MPDZ: variants seen among roughly 807,000 people sequenced by gnomAD.
MPDZ encodes multiple PDZ domain protein.
MPDZ carries 234 observed loss-of-function variants against 239.1 expected under a neutral mutation model. That is an observed-to-expected ratio of 0.98 (90% confidence interval 0.88 to 1.09). The LOEUF (loss-of-function observed/expected upper bound fraction) is 1.09. Among genes scored for constraint, MPDZ ranks in the 50% least tolerant of loss-of-function variants. The probability of loss-of-function intolerance (pLI) is 0.00; values close to 1 mark genes in which losing one functional copy is unlikely to be tolerated. For synonymous variants in MPDZ, 1,048 were observed against 881.3 expected (o/e 1.19, Z -3.35); for missense variants, 3,175 against 2,510.0 (o/e 1.26, Z -5.66).
chr9:13,140,382 T>TTATATATATA (rs1256354544), intron 27 of MPDZ, among the ~76,000 whole-genome samples: 1 of 144,104 alleles, frequency 6.9e-6, no homozygotes, highest in African/African-American at 2.6e-5. Flanking sequence ...GTTAAATATT[T>TTATATATATA]TATATATATA....
intron 3 of MPDZ, 61 bp downstream of exon 3, chr9:13,247,574 C>T (rs550495426): frequency 2.0e-6 from 3 of 1,535,216 alleles, no homozygotes; most frequent in South Asian, 1.2e-5. Context: ...CAGAAAAACA[C>T]AAGCCTTTCA....
At position 13,190,136 on chromosome 9, in the gene MPDZ, C is replaced by A; in HGVS notation, c.2132G>T (p.Gly711Val). The A allele has an allele frequency of 6.2e-7, 1 of 1,612,790 alleles. No individual in the cohort carries two copies. Among genetic ancestry groups the A allele is most frequent in the Non-Finnish European group, 8.5e-7 (1 of 1,179,360 alleles). The change falls in exon 16 of 47, where the codon GGT becomes GTT. Residue 711 changes from glycine (G) to valine (V), a missense_variant. Coordinates refer to ENST00000319217, the MANE Select transcript of MPDZ (RefSeq NM_001378778.1). ...TACCTGATAATCTAAAATGCTAAAA[C>A]CAAGTCCTTTGCTCCCTTTCTCCAG... ...IELEKGSKGL[G>V]FSILDYQDPI...
chr9:13,256,779 A>G (rs1259768427), intron 1 of MPDZ, among the ~76,000 whole-genome samples: 2 of 152,236 alleles, frequency 1.3e-5, no homozygotes, highest in Admixed American at 6.5e-5. Context: ...ATGAAATATT[A>G]TAAGAATTAA....
In MPDZ at chr9:13,197,949, A is replaced by G. The variant is rs575793388; in HGVS notation, c.1547-1719T>C. On this transcript the variant is annotated intron_variant, in intron 12 of 46. Transcript: ENST00000319217. ...ACTTCATTCTTTTTGTGGCTGAATG[A>G]TATTCCATTGTGTATATACACCACA... Among the ~76,000 whole-genome samples the G allele has an allele frequency of 2.6e-3, 393 of 152,232 alleles. 2 individuals are homozygous for G. The highest frequency in any genetic ancestry group is 4.8e-3 in the South Asian group (23 of 4,828).
At position 13,192,135 on chromosome 9, in the gene MPDZ, T is replaced by A. The variant is rs1170697591; in HGVS notation, c.1964A>T (p.Glu655Val). 1 of 1,594,378 alleles carries A rather than the reference T, an allele frequency of 6.3e-7. No homozygotes were observed. ...SLDLCDIELT[E>V]KPHVDLGEFI... ...TCATGTATGCAAATCTGATACCTTTTCTGTTAGCTCAATATCACATAAGTC... is the reference window on the plus strand; with the variant it reads ...TCATGTATGCAAATCTGATACCTTTACTGTTAGCTCAATATCACATAAGTC... The change falls in exon 15 of 47, where the codon GAA becomes GTA. Residue 655 changes from glutamate to valine, a missense_variant. Physicochemically the swap from Glu to Val is moderately radical, Grantham distance 121. Transcript: ENST00000319217.
rs192890760 is a variant in MPDZ at position 13,278,961 on chromosome 9, C to A, written c.-58+439G>T. The stretch of plus-strand genomic sequence containing the variant: ...TGCGCTCCGGGCCCCCAGGCTAACA[C>A]CCCACCCCCAGCCCCCCGACACCAA... On this transcript the variant is annotated intron_variant, in intron 1 of 46. Coordinates refer to ENST00000319217, the MANE Select transcript of MPDZ (RefSeq NM_001378778.1). 4.7e-3 allele frequency: 717 copies of A among 152,298 alleles called. 2 individuals are homozygous for A. The highest frequency in any genetic ancestry group is 0.014 in the South Asian group (67 of 4,824). The allele number at this position is 152,298 out of a possible 1,614,324, so 9.4% of individuals were successfully genotyped here.
At chr9:13,279,189 C>T (rs1383367730) in intron 1 of MPDZ, 2 of 148,634 alleles carry the variant, frequency 1.3e-5, no homozygotes, top group Admixed American at 1.3e-4. Context: ...CCGCGAAGCG[C>T]CGGGCCGCGC....
intron 39 of MPDZ, among the ~76,000 whole-genome samples, chr9:13,118,480 G>A (rs971167458): frequency 1.6e-4 from 25 of 152,162 alleles, no homozygotes; most frequent in Non-Finnish European, 2.2e-4. Flanking sequence ...TCCCCTTAGC[G>A]TATTAGACCT....
At chr9:13,125,918 A>G (rs1027528494) in intron 34 of MPDZ, among the ~76,000 whole-genome samples, 2 of 152,236 alleles carry the variant, frequency 1.3e-5, no homozygotes, top group African/African-American at 2.4e-5. Flanking sequence ...TTTAAAAAGT[A>G]ACTTTAAGCT....
chr9:13,205,910 G>A lies in MPDZ; in HGVS notation c.1474+6C>T. The A allele has an allele frequency of 6.3e-7, 1 of 1,578,710 alleles. No individual in the cohort carries two copies. Among genetic ancestry groups the A allele is most frequent in the Non-Finnish European group, 8.6e-7 (1 of 1,163,846 alleles). ...CTAACTAAAAACCAGATTAACATAG[G>A]ATTACCTTTGATTATGCTGGCATTA... On this transcript the variant is annotated splice_donor_region_variant and intron_variant, in intron 11 of 46. Transcript: ENST00000319217.
At position 13,194,210 on chromosome 9, in the gene MPDZ, G is replaced by A. The variant is rs114989663; in HGVS notation, c.1657-897C>T. ...GTCTTATTACCTTTATCTTGCCAAG[G>A]CCCATAAATATCTTAGTCCTTTTTC... On this transcript the variant is annotated intron_variant, in intron 13 of 46. Coordinates refer to ENST00000319217, the MANE Select transcript of MPDZ (RefSeq NM_001378778.1). Among the ~76,000 whole-genome samples, 871 of 151,920 alleles carry A rather than the reference G, an allele frequency of 5.7e-3. 12 individuals are homozygous for A. The highest frequency in any genetic ancestry group is 0.02 in the African/African-American group (834 of 41,430).
In MPDZ at chr9:13,175,696, T is replaced by C. The variant is rs1259729515; in HGVS notation, c.3055+56A>G. ...AAATTGAAATTTACCATGTTCAATATTTCCCCTTGTCAAGGGGGTTGAGGA... is the reference window on the plus strand; with the variant it reads ...AAATTGAAATTTACCATGTTCAATACTTCCCCTTGTCAAGGGGGTTGAGGA... On this transcript the variant is annotated intron_variant, in intron 21 of 46. Transcript: ENST00000319217. The C allele has an allele frequency of 1.1e-5, 16 of 1,501,824 alleles. No homozygotes were observed. In the African/African-American group the frequency reaches 1.8e-4, roughly 17 times the overall value. 93.0% of individuals were successfully genotyped at this position (1,501,824 alleles called of 1,614,324 possible).
chr9:13,193,061 C>T, intron 14 of MPDZ, 106 bp downstream of exon 14: 1 of 1,114,512 alleles, frequency 9.0e-7, no homozygotes, highest in South Asian at 3.5e-5. Context: ...TCTCAAGTCC[C>T]CTTTGGAGGG....
intron 3 of MPDZ, among the ~76,000 whole-genome samples, chr9:13,238,226 C>T (rs1000929828): frequency 1.3e-5 from 2 of 152,158 alleles, no homozygotes; most frequent in African/African-American, 4.8e-5. Context: ...TGGGACTAGG[C>T]ATGTTCAAAA....
intron 38 of MPDZ, among the ~76,000 whole-genome samples, chr9:13,120,866 C>T (rs890255057): frequency 6.6e-6 from 1 of 152,068 alleles, no homozygotes; most frequent in Admixed American, 6.6e-5. Flanking sequence ...CAAGAAATGA[C>T]AAAATAAACT....
intron 1 of MPDZ, among the ~76,000 whole-genome samples, chr9:13,251,446 C>A (rs1041583473): frequency 2.0e-5 from 3 of 152,200 alleles, no homozygotes; most frequent in Non-Finnish European, 4.4e-5. Flanking sequence ...ACTAACCCAT[C>A]TTGAGCCTTT....
At chr9:13,237,457 A>G (rs941442280) in intron 3 of MPDZ, among the ~76,000 whole-genome samples, 3 of 151,722 alleles carry the variant, frequency 2.0e-5, no homozygotes, top group African/African-American at 7.3e-5. Flanking sequence ...AAAAAAAAAA[A>G]AAAAAAGGTA....
chr9:13,256,548 G>C (rs987250516), intron 1 of MPDZ, among the ~76,000 whole-genome samples: 2 of 152,150 alleles, frequency 1.3e-5, no homozygotes, highest in African/African-American at 4.8e-5. Context: ...TTATTAAATA[G>C]CCTAATTTCA....
At chr9:13,209,730 T>C (rs1957395015) in intron 10 of MPDZ, among the ~76,000 whole-genome samples, 1 of 151,908 alleles carries the variant, frequency 6.6e-6, no homozygotes, top group Non-Finnish European at 1.5e-5. Context: ...AAGCAGGAAT[T>C]ACAAAGAAGA....
Sources: gnomAD v4.1 joint callset for allele counts (sites outside exome capture counted in the v4.1 genomes callset) on GRCh38, gnomAD v4.1.1 for gene constraint, MANE v1.5 for transcripts, NCBI Gene and HGNC (gene_info 2026-07-23, HGNC 2026-07-21) for gene names.